The following PCNX2 variants were observed in gnomAD, a reference collection of about 807,000 sequenced individuals.
PCNX2 encodes pecanex 2.
Under a neutral mutation model 223.8 loss-of-function variants are expected in PCNX2, and 168 were observed. The observed-to-expected ratio is 0.75, with a 90% CI of 0.66 to 0.85. The LOEUF (loss-of-function observed/expected upper bound fraction) is 0.85. Among genes scored for constraint, PCNX2 ranks in the 40% least tolerant of loss-of-function variants. The pLI is 0.00. For missense variants in PCNX2, 2,507 were observed against 2,675.5 expected, an observed-to-expected ratio of 0.94 and a Z score of 1.39; for synonymous variants, 1,006 against 1,052.6, an observed-to-expected ratio of 0.96 and a Z score of 0.86.
intron 32 of PCNX2, among the ~76,000 whole-genome samples, chr1:232,989,599 C>T (rs867718724): frequency 2.6e-4 from 39 of 152,292 alleles, no homozygotes; most frequent in Admixed American, 1.5e-3. Flanking sequence ...GTCTGATGCA[C>T]GGTCCTCTCC....
chr1:233,281,779 G>A (rs1317289224), intron 1 of PCNX2, among the ~76,000 whole-genome samples: 2 of 152,278 alleles, frequency 1.3e-5, no homozygotes, highest in East Asian at 3.9e-4. Flanking sequence ...CTACTGAAAT[G>A]GGTCTGACCA....
At position 233,200,238 on chromosome 1, in the gene PCNX2, AAATAGCAGGGAAGCAATATAAAAATACT is replaced by A; in HGVS notation, c.2864-2_2889del. 1.3e-6 allele frequency: 2 copies of A among 1,586,104 alleles called. No individual in the cohort carries two copies. The highest frequency in any genetic ancestry group is 8.6e-7 in the Non-Finnish European group (1 of 1,165,324). ...ATTTGCGGGAAGAGCCCAAGGAGGGAAATAGCAGGGAAGCAATATAAAAATACTGAAAATGAACAAACAAAATTGACGA... is the reference window on the plus strand; with the variant it reads ...ATTTGCGGGAAGAGCCCAAGGAGGGAGAAAATGAACAAACAAAATTGACGA... On this transcript the variant is annotated splice_acceptor_variant and coding_sequence_variant, in exon 14 of 34. Coordinates refer to ENST00000258229, the MANE Select transcript of PCNX2 (RefSeq NM_014801.4). LOFTEE classifies it high-confidence loss of function.
intron 15 of PCNX2, among the ~76,000 whole-genome samples, chr1:233,196,782 G>A (rs1680761470): frequency 1.3e-5 from 2 of 152,106 alleles, no homozygotes; most frequent in African/African-American, 4.8e-5. Flanking sequence ...ATAGAAACTG[G>A]ACAACAGTTT....
At chr1:233,152,961 G>A (rs570425308) in intron 19 of PCNX2, among the ~76,000 whole-genome samples, 77 of 152,266 alleles carry the variant, frequency 5.1e-4, no homozygotes, top group African/African-American at 1.5e-3. Context: ...CTTAATATGC[G>A]ACAGAACCAG....
At chr1:233,102,471 G>GACTGTATTCATTCACTTTCCCGCCA (rs1334169345) in intron 21 of PCNX2, among the ~76,000 whole-genome samples, 2 of 152,120 alleles carry the variant, frequency 1.3e-5, no homozygotes, top group Non-Finnish European at 2.9e-5. Context: ...TTTCCATAGT[G>GACTGTATTCATTCACTTTCCCGCCA]ACTGTATTCA....
chr1:233,019,853 A>G (rs1307205376), intron 26 of PCNX2, among the ~76,000 whole-genome samples: 1 of 152,198 alleles, frequency 6.6e-6, no homozygotes, highest in Non-Finnish European at 1.5e-5. Flanking sequence ...TCATTTAAAG[A>G]CAGTTTAAGT....
chr1:233,044,740 C>T lies in PCNX2; in HGVS notation c.4351+9528G>A, dbSNP rs537344705. Among the ~76,000 whole-genome samples, 6 of 151,834 alleles carry T rather than the reference C, an allele frequency of 4.0e-5. No individual in the cohort carries two copies. In the East Asian group the frequency reaches 1.2e-3, roughly 29 times the overall value. On this transcript the variant is annotated intron_variant, in intron 25 of 33. Transcript: ENST00000258229. ...CTGGGGTGCAATGGCGTGATCTTGG[C>T]TCACTGCAACCTCCACTTCTCAGAT...
At chr1:233,117,905 G>A (rs1370422349) in intron 21 of PCNX2, among the ~76,000 whole-genome samples, 2 of 149,368 alleles carry the variant, frequency 1.3e-5, no homozygotes, top group Admixed American at 6.6e-5. Context: ...AGCTACTTGG[G>A]AGGCTGAGGC....
intron 17 of PCNX2, among the ~76,000 whole-genome samples, chr1:233,166,180 A>G (rs963279474): frequency 2.6e-5 from 4 of 151,768 alleles, no homozygotes; most frequent in Admixed American, 2.6e-4. Flanking sequence ...GCCAACTATA[A>G]AAATAAATAA....
chr1:233,289,470 C>A (rs150867604), intron 1 of PCNX2: 1 of 1,052,772 alleles, frequency 9.5e-7, no homozygotes, highest in Non-Finnish European at 1.5e-6. Context: ...GGAGAACTTG[C>A]CGAGCGCCGG....
rs76578751 is a variant in PCNX2 at position 232,988,520 on chromosome 1, C to T, written c.5792-1980G>A. On this transcript the variant is annotated intron_variant, in intron 32 of 33. Coordinates refer to ENST00000258229, the MANE Select transcript of PCNX2 (RefSeq NM_014801.4). Reference sequence around the variant, plus strand: ...TCAAGATCATTATTTTACAATTTAACTTATTTTGCAAATAACTCTATTACC... The same window carrying T: ...TCAAGATCATTATTTTACAATTTAATTTATTTTGCAAATAACTCTATTACC... 4.5e-4 allele frequency among the ~76,000 whole-genome samples: 68 copies of T among 152,156 alleles called. 1 individual carries two copies. The East Asian group carries it at 0.013, about 28-fold the overall frequency.
At chr1:233,319,562 T>C in the PCNX2 span, among the ~76,000 whole-genome samples, 191 of 152,352 alleles carry the variant, frequency 1.3e-3, no homozygotes, top group Non-Finnish European at 2.2e-3. Flanking sequence ...GTAGTCTCAT[T>C]TGCCTTTAGT....
At chr1:233,282,933 G>C (rs1661262606) in intron 1 of PCNX2, among the ~76,000 whole-genome samples, 1 of 151,702 alleles carries the variant, frequency 6.6e-6, no homozygotes, top group Non-Finnish European at 1.5e-5. Flanking sequence ...TAACCACAAA[G>C]ATGAACCAAA....
intron 26 of PCNX2, chr1:233,018,718 C>G: frequency 1.0e-6 from 1 of 973,568 alleles, no homozygotes; most frequent in Non-Finnish European, 1.2e-6. Flanking sequence ...GGTGGTGCTC[C>G]AGGCTATTGA....
intron 9 of PCNX2, among the ~76,000 whole-genome samples, chr1:233,234,309 T>C (rs1260707065): frequency 6.6e-6 from 1 of 152,226 alleles, no homozygotes; most frequent in East Asian, 1.9e-4. Context: ...ATTTTCCCAG[T>C]ATGAGACTTT....
chr1:233,017,729 G>A (rs560974453), intron 26 of PCNX2, among the ~76,000 whole-genome samples: 1 of 152,258 alleles, frequency 6.6e-6, no homozygotes, highest in East Asian at 1.9e-4. Flanking sequence ...GAACTCATCT[G>A]AGACATTTCT....
At chr1:233,088,495 T>C (rs924157991) in intron 23 of PCNX2, among the ~76,000 whole-genome samples, 1 of 152,188 alleles carries the variant, frequency 6.6e-6, no homozygotes, top group African/African-American at 2.4e-5. Context: ...AGAAGCCAAC[T>C]GTGGTAGTTT....
chr1:233,072,720 C>T (rs181523037), intron 23 of PCNX2, among the ~76,000 whole-genome samples: 123 of 152,084 alleles, frequency 8.1e-4, no homozygotes, highest in African/African-American at 2.9e-3. Context: ...TGTGTTAAAC[C>T]ACCCTAGCAT....
chr1:233,019,020 T>C (rs1670784244), intron 26 of PCNX2: 1 of 985,170 alleles, frequency 1.0e-6, no homozygotes, highest in South Asian at 4.7e-5. Context: ...GGCTCTTCCC[T>C]CCCTCTGTCT....
Sources: allele counts gnomAD v4.1 joint callset (sites outside exome capture counted in the v4.1 genomes callset), GRCh38; gene constraint gnomAD v4.1.1; transcripts MANE v1.5; gene names NCBI Gene and HGNC (gene_info 2026-07-23, HGNC 2026-07-21).